Variants in CD1D observed in about 807,000 individuals in gnomAD.
The protein encoded by CD1D is CD1d molecule.
In CD1D, 40 loss-of-function variants were observed where a neutral mutation model predicts 42.1. That is an observed-to-expected ratio of 0.95 (90% CI 0.74 to 1.24). The LOEUF is 1.24. Ranked by LOEUF, CD1D falls within the 50% of genes most tolerant of loss-of-function variation. CD1D has a pLI of 0.00. For missense variants in CD1D, 437 were observed against 416.5 expected, an observed-to-expected ratio of 1.05 and a Z score of -0.43; for synonymous variants, 178 against 171.8, an observed-to-expected ratio of 1.04 and a Z score of -0.28.
At chr1:158,181,339 C>A in intron 1 of CD1D, 116 bp from the exon 2 acceptor site, 1 of 1,480,134 alleles carries the variant, frequency 6.8e-7, no homozygotes, top group Non-Finnish European at 9.3e-7. Flanking sequence ...GCACAGAGTT[C>A]GCTGGCATCA....
In CD1D at chr1:158,182,203, A is replaced by G; in HGVS notation, c.500A>G (p.Asn167Ser). 6.2e-7 allele frequency: 1 copy of G among 1,614,182 alleles called. No individual in the cohort carries two copies. Among genetic ancestry groups the G allele is most frequent in the Non-Finnish European group, 8.5e-7 (1 of 1,180,024 alleles). ...GTAAACTTGGCCATTCAAGTGCTCA[A>G]CCAGGACAAGTGGACGAGGGAAACA... is the stretch of plus-strand genomic sequence containing the variant. The part of the protein sequence containing the change: ...LWVNLAIQVL[N>S]QDKWTRETVQ... Residue 167 changes from asparagine (N) to serine (S), a missense_variant, in exon 3 of 6, where the codon AAC becomes AGC. Asn to Ser is a conservative substitution (Grantham distance 46). Coordinates refer to ENST00000674085, the MANE Select transcript of CD1D (RefSeq NM_001371762.2).
At chr1:158,183,271 G>A (rs1348862728) in intron 4 of CD1D, 115 bp downstream of exon 4, 9 of 1,246,668 alleles carry the variant, frequency 7.2e-6, no homozygotes, top group Non-Finnish European at 9.8e-6. Flanking sequence ...TTTCAGAGAT[G>A]AGGCCCCCAG....
intron 1 of CD1D, 108 bp from the exon 2 acceptor site, chr1:158,181,347 T>C: frequency 6.6e-7 from 1 of 1,504,994 alleles, no homozygotes; most frequent in Admixed American, 1.8e-5. Context: ...TTCGCTGGCA[T>C]CAGCCGCCTC....
rs1648605784 is a variant in CD1D, at chr1:158,184,156, C to T, written c.*6C>T. 1 of 1,614,074 alleles carries T rather than the reference C, an allele frequency of 6.2e-7. No individual in the cohort carries two copies. Among genetic ancestry groups the T allele is most frequent in the Non-Finnish European group, 8.5e-7 (1 of 1,179,996 alleles). On this transcript the variant is annotated 3_prime_UTR_variant, in exon 6 of 6. Transcript: ENST00000674085. The stretch of plus-strand genomic sequence containing the variant: ...CCTATCAGGGCGTCCTGTGACTCGC[C>T]TTGCCACATCTGTGTCTCTGGAACC...
At position 158,181,642 on chromosome 1, in the gene CD1D, G is replaced by A; in HGVS notation, c.249G>A (p.Thr83=). The change falls in exon 2 of 6, where the codon ACG becomes ACA. Residue 83 remains threonine, a synonymous_variant. Transcript: ENST00000674085. Reference sequence around the variant, plus strand: ...CGTTCAGCGACCAGCAGTGGGAGACGCTGCAGCATATATTTCGGGTTTATC... The same window carrying A: ...CGTTCAGCGACCAGCAGTGGGAGACACTGCAGCATATATTTCGGGTTTATC... The part of the protein sequence containing the change: ...QGTFSDQQWE[T]LQHIFRVYRS... 1 of 1,614,036 alleles carries A rather than the reference G, an allele frequency of 6.2e-7. No homozygotes were observed. Among genetic ancestry groups the A allele is most frequent in the Non-Finnish European group, 8.5e-7 (1 of 1,180,030 alleles).
upstream of CD1D, chr1:158,180,679 G>A (rs921820398): frequency 5.8e-6 from 1 of 173,596 alleles, no homozygotes; most frequent in African/African-American, 2.4e-5. Context: ...GCTAAAGCAA[G>A]GACTTTGATC....
chr1:158,182,747 G>A, intron 3 of CD1D, 131 bp from the exon 4 acceptor site: 1 of 1,090,648 alleles, frequency 9.2e-7, no homozygotes, highest in Non-Finnish European at 1.3e-6. Flanking sequence ...ATTTCCAGAA[G>A]TGAACATGTC....
At position 158,180,986 on chromosome 1, in the gene CD1D, T is replaced by G; in HGVS notation, c.-116T>G. The G allele has an allele frequency of 3.1e-6, 3 of 955,942 alleles. No homozygotes were observed. Among genetic ancestry groups the G allele is most frequent in the Admixed American group, 3.1e-5 (1 of 32,370 alleles). The allele number at this position is 955,942 out of a possible 1,614,324, so 59.2% of individuals were successfully genotyped here. ...GAGGAGGGCTGCCGGGGTCTGGGCT[T>G]GGGAATTGGCTGGCACCCAGCGGAA... On this transcript the variant is annotated 5_prime_UTR_variant, in exon 1 of 6. Coordinates refer to ENST00000674085, the MANE Select transcript of CD1D (RefSeq NM_001371762.2).
At chr1:158,178,912 A>G (rs1435783891), upstream of CD1D, among the ~76,000 whole-genome samples, 1 of 152,222 alleles carries the variant, frequency 6.6e-6, no homozygotes. Flanking sequence ...TGTCTAACTC[A>G]ACTGACCTTT....
chr1:158,181,832 C>G, intron 2 of CD1D, 111 bp downstream of exon 2: 1 of 1,437,420 alleles, frequency 7.0e-7, no homozygotes, highest in Admixed American at 1.8e-5. Flanking sequence ...TCTGTCCACC[C>G]TCTTCTGATT....
Position 158,186,136 on chromosome 1 carries a change from A to T in CD1D, c.*1986A>T, listed in dbSNP as rs75277424. On this transcript the variant is annotated 3_prime_UTR_variant, in exon 6 of 6. Coordinates refer to ENST00000674085, the MANE Select transcript of CD1D (RefSeq NM_001371762.2). The stretch of plus-strand genomic sequence containing the variant: ...GGATAATAATTATCTATTATTGATT[A>T]TCTCCTAGACTTGTGGAGTTCAAGT... Among the ~76,000 whole-genome samples the T allele has an allele frequency of 0.011, 1,721 of 152,272 alleles. 170 individuals are homozygous for T. In the East Asian group the frequency reaches 0.24, roughly 21 times the overall value.
In CD1D at chr1:158,185,346, C is replaced by G. The variant is rs769766041; in HGVS notation, c.*1196C>G. Among the ~76,000 whole-genome samples the G allele has an allele frequency of 1.6e-4, 25 of 152,262 alleles. No homozygotes were observed. The highest frequency in any genetic ancestry group is 6.8e-3 in the Middle Eastern group (2 of 294). ...TGAGAAAAGTAACATTTCACACTCT[C>G]TATACTAGACTTGCACATATGAATT... On this transcript the variant is annotated 3_prime_UTR_variant, in exon 6 of 6. Coordinates refer to ENST00000674085, the MANE Select transcript of CD1D (RefSeq NM_001371762.2).
chr1:158,182,431 A>G (rs1648488430), intron 3 of CD1D, 121 bp downstream of exon 3: 1 of 1,067,784 alleles, frequency 9.4e-7, no homozygotes, highest in Non-Finnish European at 1.4e-6. Flanking sequence ...GGGCTGGATA[A>G]GGGGTGAGGG....
At position 158,181,735 on chromosome 1, in the gene CD1D, T is replaced by C. The variant is rs745308896; in HGVS notation, c.328+14T>C. 1.9e-6 allele frequency: 3 copies of C among 1,604,890 alleles called. No homozygotes were observed. The South Asian group carries it at 3.3e-5, about 18-fold the overall frequency. On this transcript the variant is annotated intron_variant, in intron 2 of 5. Coordinates refer to ENST00000674085, the MANE Select transcript of CD1D (RefSeq NM_001371762.2). ...TACGCTTATCCTGTGAGCTGAGGGA[T>C]AGGATCCTGGGCCGGTACCCAAGGG... is the stretch of plus-strand genomic sequence containing the variant.
At position 158,182,031 on chromosome 1, in the gene CD1D, G is replaced by C; in HGVS notation, c.329-1G>C. On this transcript the variant is annotated splice_acceptor_variant, in intron 2 of 5. Coordinates refer to ENST00000674085, the MANE Select transcript of CD1D (RefSeq NM_001371762.2). LOFTEE classifies it high-confidence loss of function. ...TGATCTTTCTCCATTCCTCTCCACAGATCCCTTGGAGCTCCAGGTGTCCGC... is the reference window on the plus strand; with the variant it reads ...TGATCTTTCTCCATTCCTCTCCACACATCCCTTGGAGCTCCAGGTGTCCGC... 1 of 1,602,428 alleles carries C rather than the reference G, an allele frequency of 6.2e-7. No homozygotes were observed.
In CD1D at chr1:158,181,036, GA is replaced by G. The variant is rs369798077; in HGVS notation, c.-65del. ...AAGGGACGTGAGCTGAGCGGCGGGG[GA>G]GAAGAGTGCGCAGGTCAGAGGGCGG... On this transcript the variant is annotated 5_prime_UTR_variant, in exon 1 of 6. Transcript: ENST00000674085. 28,075 of 1,381,666 alleles carry G rather than the reference GA, an allele frequency of 0.02. 365 individuals are homozygous for G. Among genetic ancestry groups the G allele is most frequent in the Middle Eastern group, 0.038 (145 of 3,812 alleles). 85.6% of individuals were successfully genotyped at this position (1,381,666 alleles called of 1,614,324 possible).
rs775167221 is a variant in CD1D, at chr1:158,182,925, C to T, written c.655C>T (p.Arg219Cys). 2.5e-5 allele frequency: 41 copies of T among 1,613,730 alleles called. No homozygotes were observed. Among genetic ancestry groups the T allele is most frequent in the Admixed American group, 5.0e-5 (3 of 60,002 alleles). ...CCGTGGCCCCAGTCCTGGCCCTGGC[C>T]GTCTGCTGCTGGTGTGCCATGTCTC... ...LSRGPSPGPG[R>C]LLLVCHVSGF... Residue 219 changes from arginine (R) to cysteine (C), a missense_variant, in exon 4 of 6, where the codon CGT becomes TGT. Transcript: ENST00000674085.
rs859015 is a variant in CD1D at position 158,184,153 on chromosome 1, C to G, written c.*3C>G. On this transcript the variant is annotated 3_prime_UTR_variant, in exon 6 of 6. Transcript: ENST00000674085. ...GTTCCTATCAGGGCGTCCTGTGACT[C>G]GCCTTGCCACATCTGTGTCTCTGGA... 3 of 1,613,960 alleles carry G rather than the reference C, an allele frequency of 1.9e-6. No homozygotes were observed. Among genetic ancestry groups the G allele is most frequent in the African/African-American group, 2.7e-5 (2 of 74,908 alleles).
Position 158,185,450 on chromosome 1 carries a change from A to G in CD1D, c.*1300A>G, listed in dbSNP as rs1300057186. The stretch of plus-strand genomic sequence containing the variant: ...ATGCCTATAATCCAAGTGCTTTGGG[A>G]GGCTGAGATAGGAGGATTGTTTAAG... On this transcript the variant is annotated 3_prime_UTR_variant, in exon 6 of 6. Coordinates refer to ENST00000674085, the MANE Select transcript of CD1D (RefSeq NM_001371762.2). Among the ~76,000 whole-genome samples the G allele has an allele frequency of 4.6e-5, 7 of 152,070 alleles. No homozygotes were observed. Among genetic ancestry groups the G allele is most frequent in the Non-Finnish European group, 1.0e-4 (7 of 68,002 alleles).
Sources: allele counts gnomAD v4.1 joint callset (sites outside exome capture counted in the v4.1 genomes callset), GRCh38; gene constraint gnomAD v4.1.1; transcripts MANE v1.5; gene names NCBI Gene and HGNC (gene_info 2026-07-23, HGNC 2026-07-21).